Variants in SNTG1 observed in about 807,000 individuals in gnomAD.
SNTG1 encodes syntrophin gamma 1.
A neutral mutation model predicts 74.7 loss-of-function variants in SNTG1; 39 were observed. The ratio of observed to expected loss-of-function variants is 0.52; its 90% CI spans 0.40 to 0.68. The LOEUF is 0.68. SNTG1 is among the 30% of genes least tolerant of loss of function. The pLI, the probability that SNTG1 is intolerant of heterozygous loss-of-function variation, is 0.00. For missense variants in SNTG1, 685 were observed against 609.5 expected, an observed-to-expected ratio of 1.12 and a Z score of -1.30; for synonymous variants, 254 against 217.1, an observed-to-expected ratio of 1.17 and a Z score of -1.49.
chr8:50,062,322 C>T (rs529000367), intron 1 of SNTG1, among the ~76,000 whole-genome samples: 4 of 152,280 alleles, frequency 2.6e-5, no homozygotes, highest in African/African-American at 9.6e-5. Context: ...GCTGGGATTA[C>T]AAGCATGAGC....
chr8:50,244,135 G>A (rs1196388742), intron 2 of SNTG1, among the ~76,000 whole-genome samples: 3 of 152,052 alleles, frequency 2.0e-5, no homozygotes, highest in Non-Finnish European at 2.9e-5. Flanking sequence ...ACATGCAGGA[G>A]CAAGAGACAA....
intron 2 of SNTG1, among the ~76,000 whole-genome samples, chr8:50,295,270 T>G (rs879686496): frequency 6.6e-6 from 1 of 152,150 alleles, no homozygotes; most frequent in Non-Finnish European, 1.5e-5. Context: ...CTACAAATAA[T>G]GGCAACGTTG....
chr8:50,107,503 TATCTC>T (rs1012528359), intron 1 of SNTG1, among the ~76,000 whole-genome samples: 1 of 152,126 alleles, frequency 6.6e-6, no homozygotes, highest in African/African-American at 2.4e-5. Flanking sequence ...AGGAGTAACT[TATCTC>T]AAACATTATT....
At chr8:50,400,212 G>A (rs1436707449) in intron 3 of SNTG1, among the ~76,000 whole-genome samples, 1 of 152,160 alleles carries the variant, frequency 6.6e-6, no homozygotes, top group Admixed American at 6.5e-5. Flanking sequence ...GGGATAGCAT[G>A]CTCCTTAAAT....
chr8:49,974,993 C>A (rs1812057850), intron 1 of SNTG1, among the ~76,000 whole-genome samples: 1 of 151,956 alleles, frequency 6.6e-6, no homozygotes, highest in Admixed American at 6.6e-5. Context: ...CAGGTCCAGG[C>A]AGGGTCCATG....
At chr8:50,087,674 G>T (rs1484258383) in intron 1 of SNTG1, among the ~76,000 whole-genome samples, 3 of 152,088 alleles carry the variant, frequency 2.0e-5, no homozygotes, top group Admixed American at 1.3e-4. Flanking sequence ...AAGTATATGA[G>T]GATAATAGTG....
chr8:50,031,608 G>T (rs1217524770), intron 1 of SNTG1, among the ~76,000 whole-genome samples: 2 of 151,808 alleles, frequency 1.3e-5, no homozygotes, highest in Non-Finnish European at 2.9e-5. Context: ...CCTTCTTTAG[G>T]TTGTGAAGTT....
intron 18 of SNTG1, among the ~76,000 whole-genome samples, chr8:50,785,162 T>A (rs12541662): frequency 0.32 from 48,732 of 151,532 alleles, 7,950 homozygotes; most frequent in Middle Eastern, 0.44. Context: ...AAACACAAAG[T>A]AAGCAGGAAC....
intron 15 of SNTG1, among the ~76,000 whole-genome samples, chr8:50,660,953 A>G (rs1442916428): frequency 6.6e-6 from 1 of 152,114 alleles, no homozygotes; most frequent in East Asian, 1.9e-4. Context: ...TAACTTTTTG[A>G]TAGATTTCAT....
intron 4 of SNTG1, among the ~76,000 whole-genome samples, chr8:50,418,277 C>T (rs79616350): frequency 6.6e-6 from 1 of 151,958 alleles, no homozygotes; most frequent in Non-Finnish European, 1.5e-5. Context: ...TTTCTCATTC[C>T]TAATTTTACT....
chr8:49,929,999 A>G (rs1433206547), intron 1 of SNTG1, among the ~76,000 whole-genome samples: 1 of 151,870 alleles, frequency 6.6e-6, no homozygotes, highest in East Asian at 1.9e-4. Flanking sequence ...AAACAAGTAA[A>G]CAACTAAAAC....
rs151005848 is a variant in SNTG1 at position 50,338,217 on chromosome 8, C to T, written c.-27-55995C>T. 6.1e-3 allele frequency among the ~76,000 whole-genome samples: 922 copies of T among 152,040 alleles called. 2 individuals carry two copies. Among genetic ancestry groups the T allele is most frequent in the Non-Finnish European group, 9.9e-3 (670 of 67,944 alleles). On this transcript the variant is annotated intron_variant, in intron 2 of 18. Coordinates refer to ENST00000642720, the MANE Select transcript of SNTG1 (RefSeq NM_018967.5). ...ACAAACTCAAATGCAAAAAGGGAGA[C>T]AAAAACAAGGACACTGGAGGAAATG...
chr8:50,574,186 TCAGG>T (rs542609558), intron 12 of SNTG1, among the ~76,000 whole-genome samples: 23 of 152,204 alleles, frequency 1.5e-4, no homozygotes, highest in African/African-American at 5.0e-4. Flanking sequence ...GACTGCAGCC[TCAGG>T]CATAAATAGG....
intron 15 of SNTG1, 70 bp from the exon 16 acceptor site, chr8:50,704,530 A>G (rs1194575876): frequency 1.2e-6 from 2 of 1,601,478 alleles, no homozygotes; most frequent in Non-Finnish European, 1.7e-6. Flanking sequence ...ACCTTGGTCC[A>G]GTCAGGAATG....
chr8:50,304,229 C>T (rs1392522152), intron 2 of SNTG1, among the ~76,000 whole-genome samples: 1 of 152,086 alleles, frequency 6.6e-6, no homozygotes, highest in Non-Finnish European at 1.5e-5. Flanking sequence ...GTCTGTCTCT[C>T]CCACTTTCAT....
Position 50,785,041 on chromosome 8 carries a change from G to A in SNTG1, c.1396-7630G>A, listed in dbSNP as rs147097146. Among the ~76,000 whole-genome samples, 1,384 of 151,986 alleles carry A rather than the reference G, an allele frequency of 9.1e-3. 5 individuals are homozygous for A. The highest frequency in any genetic ancestry group is 0.02 in the South Asian group (97 of 4,816). ...CTCATCATGCTAAAACATATGCTAC[G>A]CAGCTATAGTTTGTTTAGAGAAAAA... On this transcript the variant is annotated intron_variant, in intron 18 of 18. Coordinates refer to ENST00000642720, the MANE Select transcript of SNTG1 (RefSeq NM_018967.5).
chr8:50,357,214 G>A (rs1450539442), intron 2 of SNTG1, among the ~76,000 whole-genome samples: 3 of 152,064 alleles, frequency 2.0e-5, no homozygotes, highest in African/African-American at 7.2e-5. Context: ...AAATGAGGTT[G>A]TGCTTCTCCC....
chr8:49,969,450 G>A (rs1046233838), intron 1 of SNTG1, among the ~76,000 whole-genome samples: 10 of 125,816 alleles, frequency 7.9e-5, no homozygotes. Context: ...AGGCAGGAGT[G>A]CAATGGTGCA....
chr8:50,510,882 A>AT, intron 9 of SNTG1, among the ~76,000 whole-genome samples: 1 of 152,160 alleles, frequency 6.6e-6, no homozygotes, highest in East Asian at 1.9e-4. Flanking sequence ...GGATTCATTG[A>AT]TTTTTTGAAC....
Sources: allele counts gnomAD v4.1 joint callset (sites outside exome capture counted in the v4.1 genomes callset), GRCh38; gene constraint gnomAD v4.1.1; transcripts MANE v1.5; gene names NCBI Gene and HGNC (gene_info 2026-07-23, HGNC 2026-07-21).